Variants in ATXN3 observed in about 807,000 individuals in gnomAD.
ATXN3 encodes the protein ataxin-3.
In ATXN3, 28 loss-of-function variants were observed where a neutral mutation model predicts 58.2. The observed-to-expected ratio is 0.48, with a 90% CI of 0.36 to 0.66. The LOEUF (loss-of-function observed/expected upper bound fraction) is 0.66, where lower values mean the gene tolerates loss of function less well. ATXN3 is among the 30% of genes least tolerant of loss of function. ATXN3 has a pLI of 0.00. For synonymous variants in ATXN3, 113 were observed against 138.5 expected (o/e 0.82, Z 1.29); for missense variants, 321 against 422.1 (o/e 0.76, Z 2.10).
At chr14:92,056,086 A>C (rs2057464044), downstream of ATXN3, among the ~76,000 whole-genome samples, 1 of 151,850 alleles carries the variant, frequency 6.6e-6, no homozygotes, top group Non-Finnish European at 1.5e-5. Context: ...AAGGCACGGA[A>C]GCAATGGAGG....
At chr14:92,105,755 G>GT (rs762189801) in intron 1 of ATXN3, among the ~76,000 whole-genome samples, 11 of 152,178 alleles carry the variant, frequency 7.2e-5, no homozygotes, top group Non-Finnish European at 1.3e-4. Context: ...CATGGTCACG[G>GT]AAGAGTTAAA....
chr14:92,105,260 A>C (rs867134178), intron 1 of ATXN3, among the ~76,000 whole-genome samples: 1 of 152,052 alleles, frequency 6.6e-6, no homozygotes, highest in African/African-American at 2.4e-5. Context: ...CGTCTCTCCC[A>C]AAAACATTAC....
At chr14:92,081,270 A>C (rs1272537518) in intron 8 of ATXN3, among the ~76,000 whole-genome samples, 2 of 151,948 alleles carry the variant, frequency 1.3e-5, no homozygotes, top group Non-Finnish European at 2.9e-5. Context: ...TCAGGAGTTC[A>C]AGACCAGCCT....
At chr14:92,055,199 A>G (rs1034615501), downstream of ATXN3, among the ~76,000 whole-genome samples, 2 of 151,982 alleles carry the variant, frequency 1.3e-5, no homozygotes, top group South Asian at 2.1e-4. The surrounding 1 kb of genome is among the most constrained non-coding windows in gnomAD (Gnocchi z 4.5). Flanking sequence ...TGTTTTTTTT[A>G]CAACCAAACG....
chr14:92,068,483 T>C (rs530905428), intron 10 of ATXN3, among the ~76,000 whole-genome samples: 1 of 152,250 alleles, frequency 6.6e-6, no homozygotes, highest in East Asian at 1.9e-4. Flanking sequence ...AAGTCCAGGA[T>C]AAATGAGGCA....
At chr14:92,055,859 G>C (rs1396325992), downstream of ATXN3, among the ~76,000 whole-genome samples, 1 of 152,216 alleles carries the variant, frequency 6.6e-6, no homozygotes, top group African/African-American at 2.4e-5. The surrounding 1 kb of genome is among the most constrained non-coding windows in gnomAD (Gnocchi z 4.5). Flanking sequence ...TATTCGGGTG[G>C]CTGAGGCAGG....
rs1271706496 is a variant in ATXN3, at chr14:92,048,193, T to C, written n.185-206A>G. On this transcript the variant is annotated intron_variant and non_coding_transcript_variant, in intron 1 of 2. Coordinates refer to the ATXN3 transcript ENST00000564606. ...TGAAGCAAGATCCTGGGGTAGGCAG[T>C]CCTGGAGGAATGCCTGGCCGCTGCA... is the stretch of plus-strand genomic sequence containing the variant. 2 of 152,232 alleles carry C rather than the reference T, an allele frequency of 1.3e-5. 1 individual carries two copies. The highest frequency in any genetic ancestry group is 2.9e-5 in the Non-Finnish European group (2 of 68,060). The allele number at this position is 152,232 out of a possible 1,614,324, so 9.4% of individuals were successfully genotyped here. A position where few individuals can be genotyped will look rare whatever the true frequency, so the allele number is the denominator to read the frequency against.
chr14:92,088,075 C>CTT (rs763494837), intron 6 of ATXN3, among the ~76,000 whole-genome samples: 2 of 144,882 alleles, frequency 1.4e-5, no homozygotes. Flanking sequence ...TTTTTCTTTT[C>CTT]TTTTTTTTTT....
chr14:92,076,259 A>G (rs575681049), intron 9 of ATXN3, among the ~76,000 whole-genome samples: 3 of 152,242 alleles, frequency 2.0e-5, no homozygotes, highest in South Asian at 4.1e-4. Flanking sequence ...CAGTCTGGCC[A>G]ACATGGTGAA....
At chr14:92,098,183 C>T (rs2065872136) in intron 1 of ATXN3, among the ~76,000 whole-genome samples, 2 of 152,104 alleles carry the variant, frequency 1.3e-5, no homozygotes, top group African/African-American at 4.8e-5. Flanking sequence ...GTTGCCCAGG[C>T]TGGACTTGAA....
chr14:92,065,802 A>T (rs1595482487), intron 10 of ATXN3, among the ~76,000 whole-genome samples: 1 of 152,124 alleles, frequency 6.6e-6, no homozygotes, highest in Non-Finnish European at 1.5e-5. Context: ...AATGGCGTGA[A>T]CCCGGGAGGC....
At chr14:92,101,035 T>A (rs77840532) in intron 1 of ATXN3, among the ~76,000 whole-genome samples, 1 of 82,450 alleles carries the variant, frequency 1.2e-5, no homozygotes, top group Non-Finnish European at 2.8e-5. Context: ...CTATAAAAAA[T>A]AGCTTTAAAT....
intron 3 of ATXN3, 109 bp from the exon 4 acceptor site, chr14:92,093,940 A>C: frequency 1.7e-6 from 1 of 573,466 alleles, no homozygotes. Context: ...CTAGAAGGCT[A>C]TAGGTTTTTT....
chr14:92,064,515 TTTC>T, intron 10 of ATXN3, 101 bp from the exon 11 acceptor site: 1 of 887,702 alleles, frequency 1.1e-6, no homozygotes, highest in Non-Finnish European at 1.8e-6. Context: ...TGAGCACGAG[TTTC>T]TTTTTTTGAT....
intron 3 of ATXN3, among the ~76,000 whole-genome samples, chr14:92,094,601 T>C (rs1231859102): frequency 6.6e-6 from 1 of 152,218 alleles, no homozygotes; most frequent in Non-Finnish European, 1.5e-5. Context: ...GGCTTGCCGC[T>C]TGTAGAAAAA....
At chr14:92,093,424 T>C (rs1997917) in intron 4 of ATXN3, 106 bp from the exon 5 acceptor site, 180,474 of 669,354 alleles carry the variant, frequency 0.27, 26,018 homozygotes, top group East Asian at 0.46. Context: ...ATTATATTTA[T>C]AGTTAAGTGT....
chr14:92,048,905 A>T (rs985912034), intron 1 of ATXN3, among the ~76,000 whole-genome samples: 1 of 152,082 alleles, frequency 6.6e-6, no homozygotes, highest in Non-Finnish European at 1.5e-5. Flanking sequence ...GAAAGAAGAA[A>T]GATTTGGGAT....
intron 9 of ATXN3, among the ~76,000 whole-genome samples, chr14:92,078,445 C>A (rs1013426207): frequency 1.3e-4 from 19 of 151,890 alleles, no homozygotes; most frequent in African/African-American, 4.6e-4. Flanking sequence ...TCACCGCAAC[C>A]TCGCCTCCCG....
At chr14:92,071,201 A>G in intron 9 of ATXN3, 148 bp from the exon 10 acceptor site, 1 of 1,217,952 alleles carries the variant, frequency 8.2e-7, no homozygotes, top group East Asian at 2.5e-5. Context: ...AGTTAGTCTG[A>G]TACAGATTAC....
Sources: gnomAD v4.1 joint callset for allele counts (sites outside exome capture counted in the v4.1 genomes callset) on GRCh38, gnomAD v4.1.1 for gene constraint, Gnocchi (gnomAD v3.1) non-coding constraint, MANE v1.5 for transcripts, NCBI Gene and HGNC (gene_info 2026-07-23, HGNC 2026-07-21) for gene names.